The following ZDHHC6 variants were observed in gnomAD, a reference collection of about 807,000 sequenced individuals.
ZDHHC6 encodes the protein palmitoyltransferase ZDHHC6.
ZDHHC6 carries 32 observed loss-of-function variants against 57.8 expected under a neutral mutation model. The ratio of observed to expected loss-of-function variants is 0.55; its 90% CI spans 0.42 to 0.74. The LOEUF (loss-of-function observed/expected upper bound fraction) is 0.74. Ranked by LOEUF, ZDHHC6 falls within the 30% of genes least tolerant of loss-of-function variation. The probability of loss-of-function intolerance (pLI) is 0.00; values close to 1 mark genes in which losing one functional copy is unlikely to be tolerated. For synonymous variants in ZDHHC6, 128 were observed against 158.0 expected (o/e 0.81, Z 1.42); for missense variants, 433 against 500.7 (o/e 0.86, Z 1.29).
In ZDHHC6 at chr10:112,433,503, C is replaced by T. The variant is rs1589723543; in HGVS notation, c.904-222G>A. 25 of 415,262 alleles carry T rather than the reference C, an allele frequency of 6.0e-5. No homozygotes were observed. In the East Asian group the frequency reaches 9.2e-4, roughly 15 times the overall value. 25.7% of individuals were successfully genotyped at this position (415,262 alleles called of 1,614,324 possible). ...AGGTTTTCTTCTCGCTATTCACTCTCTAATGTCCTCATCTGTGTATATTCC... is the reference window on the plus strand; with the variant it reads ...AGGTTTTCTTCTCGCTATTCACTCTTTAATGTCCTCATCTGTGTATATTCC... On this transcript the variant is annotated intron_variant, in intron 7 of 10. Transcript: ENST00000369405.
chr10:112,441,320 T>C (rs954319347), intron 4 of ZDHHC6, among the ~76,000 whole-genome samples: 1 of 152,202 alleles, frequency 6.6e-6, no homozygotes, highest in Admixed American at 6.5e-5. Context: ...AACTATGTCT[T>C]TTCTCTTCTC....
chr10:112,428,365 C>G (rs1333729298), downstream of ZDHHC6: 26 of 398,330 alleles, frequency 6.5e-5, no homozygotes, highest in Non-Finnish European at 1.1e-4. Context: ...TTAAAATAAA[C>G]TATTACAGAT....
chr10:112,446,627 A>T (rs1262280764), intron 1 of ZDHHC6, 78 bp downstream of exon 1: 3 of 152,462 alleles, frequency 2.0e-5, no homozygotes, highest in Non-Finnish European at 4.4e-5. Context: ...TGGTCTCAAC[A>T]TTCAGGAGAG....
chr10:112,427,658 C>A, downstream of ZDHHC6: 1 of 203,544 alleles, frequency 4.9e-6, no homozygotes, highest in Middle Eastern at 1.8e-3. Context: ...GATTTCCAAC[C>A]TTAATACTAT....
intron 4 of ZDHHC6, 137 bp downstream of exon 4, chr10:112,442,055 T>A: frequency 2.0e-6 from 2 of 1,024,804 alleles, no homozygotes; most frequent in Non-Finnish European, 2.7e-6. Context: ...GGAACCCATA[T>A]ACCAGTAAAA....
chr10:112,441,916 T>G (rs1300451900), intron 4 of ZDHHC6, among the ~76,000 whole-genome samples: 1 of 152,220 alleles, frequency 6.6e-6, no homozygotes, highest in Non-Finnish European at 1.5e-5. Flanking sequence ...CCATAACTAT[T>G]AAGTTTGAAG....
At chr10:112,433,197 TAACAA>T in intron 8 of ZDHHC6, 38 bp downstream of exon 8, 1 of 1,532,076 alleles carries the variant, frequency 6.5e-7, no homozygotes, top group Non-Finnish European at 8.8e-7. Flanking sequence ...GTACAGAGCC[TAACAA>T]AAGAAAAAAA....
chr10:112,446,130 A>T (rs1846666348), intron 1 of ZDHHC6, among the ~76,000 whole-genome samples: 1 of 152,208 alleles, frequency 6.6e-6, no homozygotes, highest in Non-Finnish European at 1.5e-5. Flanking sequence ...TCTTGAATTA[A>T]GCCAAGTATG....
downstream of ZDHHC6, chr10:112,428,526 C>T (rs1440352094): frequency 5.0e-6 from 2 of 396,698 alleles, no homozygotes; most frequent in Non-Finnish European, 8.9e-6. Flanking sequence ...ATGCCCAGCA[C>T]TTTGGGAGGC....
chr10:112,436,069 G>A (rs1408769160), intron 6 of ZDHHC6, among the ~76,000 whole-genome samples: 1 of 152,204 alleles, frequency 6.6e-6, no homozygotes, highest in Non-Finnish European at 1.5e-5. Context: ...TCTAGGCAGA[G>A]GGAACAACAT....
chr10:112,441,040 G>A (rs935079522), intron 4 of ZDHHC6, among the ~76,000 whole-genome samples: 1 of 151,966 alleles, frequency 6.6e-6, no homozygotes, highest in African/African-American at 2.4e-5. Flanking sequence ...AGAGACAGGT[G>A]TCACCAGATT....
downstream of ZDHHC6, chr10:112,425,589 T>TA: frequency 1.5e-6 from 1 of 688,522 alleles, no homozygotes. Flanking sequence ...TCCAAGCTTA[T>TA]AAAACTAAAA....
Position 112,445,598 on chromosome 10 carries a change from C to A in ZDHHC6, c.-162G>T. On this transcript the variant is annotated 5_prime_UTR_variant, in exon 2 of 11. Coordinates refer to ENST00000369405, the MANE Select transcript of ZDHHC6 (RefSeq NM_022494.3). The stretch of plus-strand genomic sequence containing the variant: ...TACACCATTTTCACTGTCAGGCACC[C>A]AAAGCTCTTTATCTTAACTAGGAGA... The A allele has an allele frequency of 2.5e-6, 2 of 816,316 alleles. No individual in the cohort carries two copies. Among genetic ancestry groups the A allele is most frequent in the South Asian group, 4.0e-5 (2 of 49,918 alleles). The allele number at this position is 816,316 out of a possible 1,614,324, so 50.6% of individuals were successfully genotyped here. A position where few individuals can be genotyped will look rare whatever the true frequency, so the allele number is the denominator to read the frequency against.
chr10:112,438,209 C>A, intron 6 of ZDHHC6, 127 bp downstream of exon 6: 1 of 619,556 alleles, frequency 1.6e-6, no homozygotes, highest in South Asian at 3.9e-5. Context: ...ATTTGGCAGC[C>A]ATGTTTTCAC....
upstream of ZDHHC6, chr10:112,447,106 G>A (rs753908691): frequency 2.9e-5 from 14 of 487,044 alleles, no homozygotes; most frequent in Non-Finnish European, 4.5e-5. Flanking sequence ...CTTTTCTGGG[G>A]GGAGGCACTA....
At chr10:112,426,418 T>G, downstream of ZDHHC6, 1 of 1,418,818 alleles carries the variant, frequency 7.0e-7, no homozygotes. Context: ...GAGGAGAGGA[T>G]GCCTCACCAG....
intron 7 of ZDHHC6, 152 bp downstream of exon 7, chr10:112,434,145 A>G: frequency 1.4e-6 from 1 of 693,788 alleles, no homozygotes; most frequent in Admixed American, 3.4e-5. Context: ...GATACATGAT[A>G]CAAGGAGTGC....
At chr10:112,433,474 AGT>A (rs1845228717) in intron 7 of ZDHHC6, 193 bp from the exon 8 acceptor site, 4 of 456,428 alleles carry the variant, frequency 8.8e-6, no homozygotes, top group Admixed American at 4.0e-5. Context: ...AGAGGCTGAG[AGT>A]GAGGTTTTCT....
intron 9 of ZDHHC6, 26 bp downstream of exon 9, chr10:112,432,350 G>A (rs1250939857): frequency 6.2e-7 from 1 of 1,608,634 alleles, no homozygotes; most frequent in Non-Finnish European, 8.5e-7. Flanking sequence ...CCTTGAAGAA[G>A]AAATGCAGTA....
Sources: allele counts gnomAD v4.1 joint callset (sites outside exome capture counted in the v4.1 genomes callset), GRCh38; gene constraint gnomAD v4.1.1; transcripts MANE v1.5; gene names NCBI Gene and HGNC (gene_info 2026-07-23, HGNC 2026-07-21).